The following LMBR1 variants were observed in gnomAD, a reference collection of about 807,000 sequenced individuals.
LMBR1 encodes limb development membrane protein 1.
Under a neutral mutation model 73.9 loss-of-function variants are expected in LMBR1, and 52 were observed. The observed-to-expected ratio is 0.70, with a 90% CI of 0.56 to 0.89. The LOEUF is 0.89. Ranked by LOEUF, LMBR1 falls within the 40% of genes least tolerant of loss-of-function variation. The probability of loss-of-function intolerance (pLI) is 0.00; values close to 1 mark genes in which losing one functional copy is unlikely to be tolerated. For synonymous variants in LMBR1, 215 were observed against 209.4 expected, an observed-to-expected ratio of 1.03 and a Z score of -0.23; for missense variants, 539 against 579.8, an observed-to-expected ratio of 0.93 and a Z score of 0.72.
chr7:156,884,447 T>C (rs558300678), intron 1 of LMBR1, among the ~76,000 whole-genome samples: 10 of 152,306 alleles, frequency 6.6e-5, no homozygotes, highest in East Asian at 3.9e-4. Context: ...CTCTCTATCC[T>C]GGCTAACAGG....
chr7:156,892,995 C>G lies in LMBR1; in HGVS notation c.-2G>C. 1 of 1,527,000 alleles carries G rather than the reference C, an allele frequency of 6.5e-7. No homozygotes were observed. Among genetic ancestry groups the G allele is most frequent in the Admixed American group, 2.0e-5 (1 of 50,090 alleles). The allele number at this position is 1,527,000 out of a possible 1,614,324, so 94.6% of individuals were successfully genotyped here. A position where few individuals can be genotyped will look rare whatever the true frequency, so the allele number is the denominator to read the frequency against. The stretch of plus-strand genomic sequence containing the variant: ...CGACACCTCGTCCTGCCCTTCCATC[C>G]TCCTTCATGCCCGCCGCCGCGCCGC... On this transcript the variant is annotated 5_prime_UTR_variant, in exon 1 of 17. Transcript: ENST00000353442.
At chr7:156,727,362 T>C (rs1329605162) in intron 12 of LMBR1, among the ~76,000 whole-genome samples, 1 of 152,142 alleles carries the variant, frequency 6.6e-6, no homozygotes, top group Non-Finnish European at 1.5e-5. Context: ...ACTTGTTTTG[T>C]TGGTATAGTA....
intron 5 of LMBR1, among the ~76,000 whole-genome samples, chr7:156,770,356 A>G (rs1056408988): frequency 6.6e-6 from 1 of 152,184 alleles, no homozygotes; most frequent in African/African-American, 2.4e-5. Context: ...GAACTACTGC[A>G]TTAACAACAG....
intron 13 of LMBR1, 47 bp from the exon 14 acceptor site, chr7:156,725,572 T>G: frequency 7.0e-7 from 1 of 1,420,694 alleles, no homozygotes; most frequent in Non-Finnish European, 9.7e-7. Flanking sequence ...GCAAGTTTCC[T>G]AAGTTCTCGG....
rs751416136 is a variant in LMBR1 at position 156,734,158 on chromosome 7, GA to G, written c.838+18del. 7.3e-5 allele frequency: 108 copies of G among 1,489,264 alleles called. No individual in the cohort carries two copies. Among genetic ancestry groups the G allele is most frequent in the South Asian group, 2.1e-4 (17 of 80,968 alleles). 92.3% of individuals were successfully genotyped at this position (1,489,264 alleles called of 1,614,324 possible). On this transcript the variant is annotated intron_variant, in intron 10 of 16. Transcript: ENST00000353442. ...AAACCAAGGCCAATACACAAGTCAA[GA>G]AAAAAAAAGTACAATACCTAATTTT... is the stretch of plus-strand genomic sequence containing the variant.
chr7:156,838,134 G>A (rs1304920746), intron 1 of LMBR1, among the ~76,000 whole-genome samples: 1 of 152,036 alleles, frequency 6.6e-6, no homozygotes, highest in African/African-American at 2.4e-5. Flanking sequence ...CATATTTACT[G>A]TGTACAAAAT....
At chr7:156,695,706 T>A (rs768016319) in intron 15 of LMBR1, among the ~76,000 whole-genome samples, 4 of 152,152 alleles carry the variant, frequency 2.6e-5, no homozygotes, top group Non-Finnish European at 4.4e-5. Context: ...CAACTGAACA[T>A]GAGATCTGGG....
At chr7:156,742,274 AAAT>A in intron 9 of LMBR1, among the ~76,000 whole-genome samples, 2 of 152,220 alleles carry the variant, frequency 1.3e-5, no homozygotes, top group East Asian at 3.9e-4. Context: ...TTAATAAAAG[AAAT>A]AATAAAGATC....
chr7:156,753,769 T>C (rs746859294), intron 9 of LMBR1, among the ~76,000 whole-genome samples: 7 of 152,078 alleles, frequency 4.6e-5, no homozygotes, highest in Non-Finnish European at 8.8e-5. Context: ...GAAGGCCGCC[T>C]GCCGAGATCA....
intron 4 of LMBR1, among the ~76,000 whole-genome samples, chr7:156,799,009 T>C (rs1287961054): frequency 1.3e-5 from 2 of 150,240 alleles, no homozygotes; most frequent in Admixed American, 6.6e-5. Context: ...CTGGCCAGCA[T>C]GGTGAAACCC....
chr7:156,677,287 G>A (rs749295079), downstream of LMBR1, among the ~76,000 whole-genome samples: 1 of 152,052 alleles, frequency 6.6e-6, no homozygotes, highest in Non-Finnish European at 1.5e-5. Context: ...CATCGGTTAG[G>A]TTACCCCTAG....
At chr7:156,819,115 G>A (rs1834363636) in intron 4 of LMBR1, among the ~76,000 whole-genome samples, 1 of 152,132 alleles carries the variant, frequency 6.6e-6, no homozygotes, top group Non-Finnish European at 1.5e-5. Context: ...TTTTCTCACT[G>A]CAGACAGAGA....
chr7:156,764,196 G>A (rs1267333582), intron 5 of LMBR1, among the ~76,000 whole-genome samples: 1 of 152,186 alleles, frequency 6.6e-6, no homozygotes, highest in Non-Finnish European at 1.5e-5. Flanking sequence ...GCTCCGAGCT[G>A]CTGGAGAGCG....
intron 1 of LMBR1, among the ~76,000 whole-genome samples, chr7:156,871,655 C>T (rs1799306616): frequency 6.6e-6 from 1 of 152,198 alleles, no homozygotes; most frequent in Non-Finnish European, 1.5e-5. Context: ...AAATCAGTTA[C>T]TGTGGTACAC....
chr7:156,890,834 T>C (rs1276638022), intron 1 of LMBR1, among the ~76,000 whole-genome samples: 1 of 152,134 alleles, frequency 6.6e-6, no homozygotes, highest in African/African-American at 2.4e-5. Flanking sequence ...ACCTAGGGAT[T>C]CCATTCCTAG....
intron 9 of LMBR1, among the ~76,000 whole-genome samples, chr7:156,739,797 T>C (rs955431196): frequency 6.6e-6 from 1 of 152,150 alleles, no homozygotes; most frequent in Non-Finnish European, 1.5e-5. Flanking sequence ...AAGCCCAGAC[T>C]GTGAAGACTA....
In LMBR1 at chr7:156,764,224, G is replaced by C. The variant is rs1375057405; in HGVS notation, c.424-429C>G. Among the ~76,000 whole-genome samples, 1 of 152,158 alleles carries C rather than the reference G, an allele frequency of 6.6e-6. No individual in the cohort carries two copies. The highest frequency in any genetic ancestry group is 1.5e-5 in the Non-Finnish European group (1 of 68,030). On this transcript the variant is annotated intron_variant, in intron 5 of 16. Coordinates refer to ENST00000353442, the MANE Select transcript of LMBR1 (RefSeq NM_022458.4). ...GGAGAGCGCCGGCTCTCTCTAGCAT[G>C]GACTCTGGTGCTCCTCACAGCCTCC...
chr7:156,694,889 C>G (rs561718390), intron 15 of LMBR1, among the ~76,000 whole-genome samples: 9 of 152,296 alleles, frequency 5.9e-5, no homozygotes, highest in African/African-American at 2.2e-4. Flanking sequence ...TTAAAAGACA[C>G]TAACAAAGTT....
Position 156,733,690 on chromosome 7 carries a change from G to C in LMBR1, c.838+487C>G, listed in dbSNP as rs535445701. Among the ~76,000 whole-genome samples the C allele has an allele frequency of 1.2e-4, 19 of 152,234 alleles. No individual in the cohort carries two copies. In the East Asian group the frequency reaches 3.5e-3, roughly 28 times the overall value. ...CATGTAACTGGAGTCCCTGAAAAGG[G>C]AAGCATGAGGGGAAAAGAAAAAATA... On this transcript the variant is annotated intron_variant, in intron 10 of 16. Coordinates refer to ENST00000353442, the MANE Select transcript of LMBR1 (RefSeq NM_022458.4).
Sources: gnomAD v4.1 joint callset for allele counts (sites outside exome capture counted in the v4.1 genomes callset) on GRCh38, gnomAD v4.1.1 for gene constraint, MANE v1.5 for transcripts, NCBI Gene and HGNC (gene_info 2026-07-23, HGNC 2026-07-21) for gene names.